Variants in SRP68 observed in about 807,000 individuals in gnomAD.
SRP68 encodes signal recognition particle 68.
A neutral mutation model predicts 82.2 loss-of-function variants in SRP68; 15 were observed. The ratio of observed to expected loss-of-function variants is 0.18; its 90% CI spans 0.12 to 0.28. SRP68 has a LOEUF of 0.28. Among genes scored for constraint, SRP68 ranks in the 10% least tolerant of loss-of-function variants. SRP68 has a pLI of 1.00. For synonymous variants in SRP68, 261 were observed against 292.6 expected, an observed-to-expected ratio of 0.89 and a Z score of 1.10; for missense variants, 595 against 780.5, an observed-to-expected ratio of 0.76 and a Z score of 2.83.
chr17:76,056,431 A>G (rs2066714230), intron 8 of SRP68, among the ~76,000 whole-genome samples: 1 of 152,210 alleles, frequency 6.6e-6, no homozygotes, highest in Non-Finnish European at 1.5e-5. Context: ...GAATGCTCTC[A>G]AAAAAAGTTC....
chr17:76,053,656 C>A (rs1292091628), intron 8 of SRP68: 9 of 985,336 alleles, frequency 9.1e-6, no homozygotes, highest in Non-Finnish European at 1.1e-5. Context: ...AGGAAAAAGT[C>A]GATTTGAAGG....
At chr17:76,046,838 G>A (rs1198728006) in intron 10 of SRP68, among the ~76,000 whole-genome samples, 11 of 152,134 alleles carry the variant, frequency 7.2e-5, no homozygotes. Flanking sequence ...CTACTTGGGA[G>A]GCTGAGGTAG....
chr17:76,067,077 C>T, intron 3 of SRP68, 140 bp downstream of exon 3: 1 of 656,558 alleles, frequency 1.5e-6, no homozygotes, highest in East Asian at 2.9e-5. Flanking sequence ...CCTCAGTTTC[C>T]TTGCCTTAGA....
chr17:76,066,764 G>A (rs535295640), intron 3 of SRP68, among the ~76,000 whole-genome samples: 1 of 149,632 alleles, frequency 6.7e-6, no homozygotes, highest in South Asian at 2.1e-4. Flanking sequence ...TGTCACTCTT[G>A]TTGCCCAGGC....
intron 8 of SRP68, among the ~76,000 whole-genome samples, chr17:76,054,875 T>C (rs2082401726): frequency 6.6e-6 from 1 of 151,676 alleles, no homozygotes; most frequent in Admixed American, 6.6e-5. Context: ...CTCATGAATA[T>C]AAAAAACATT....
intron 7 of SRP68, 59 bp from the exon 8 acceptor site, chr17:76,057,602 A>C (rs1033372168): frequency 2.6e-6 from 4 of 1,566,748 alleles, no homozygotes; most frequent in Non-Finnish European, 3.5e-6. Context: ...ATGGAGGTGA[A>C]AATAAGTGGA....
chr17:76,065,361 C>T (rs2066798809), intron 3 of SRP68, among the ~76,000 whole-genome samples: 3 of 144,596 alleles, frequency 2.1e-5, no homozygotes, highest in South Asian at 2.1e-4. Context: ...GAGGGTGAGA[C>T]AGGAGTTGTT....
In SRP68 at chr17:76,072,357, C is replaced by A; in HGVS notation, c.135G>T (p.Ser45=). 2.5e-6 allele frequency: 4 copies of A among 1,612,864 alleles called. No homozygotes were observed. Among genetic ancestry groups the A allele is most frequent in the Non-Finnish European group, 2.5e-6 (3 of 1,179,768 alleles). ...GEENKENERP[S]AGSKANKEFG... ...ATTCTTTGTTTGCCTTCGATCCGGCCGAAGGGCGTTCGTTTTCTTTATTTT... is the reference window on the plus strand; with the variant it reads ...ATTCTTTGTTTGCCTTCGATCCGGCAGAAGGGCGTTCGTTTTCTTTATTTT... The change falls in exon 1 of 16, where the codon TCG becomes TCT. Residue 45 remains serine, a synonymous_variant. Transcript: ENST00000307877. The surrounding 1 kb of genome is among the most constrained non-coding windows in gnomAD (Gnocchi z 4.5).
At chr17:76,066,128 A>G (rs2066804277) in intron 3 of SRP68, among the ~76,000 whole-genome samples, 1 of 152,064 alleles carries the variant, frequency 6.6e-6, no homozygotes, top group South Asian at 2.1e-4. Context: ...TGGTGTATTC[A>G]GCACTGAAAT....
In SRP68 at chr17:76,046,027, T is replaced by A; in HGVS notation, c.1299+11A>T. ...CCACAGGCCCTTGCCTTCCCGGTCC[T>A]CAAGGGTCACCTGTAAGATGATGTC... On this transcript the variant is annotated intron_variant, in intron 11 of 15. Transcript: ENST00000307877. 2 of 1,613,656 alleles carry A rather than the reference T, an allele frequency of 1.2e-6. No individual in the cohort carries two copies. Among genetic ancestry groups the A allele is most frequent in the Non-Finnish European group, 1.7e-6 (2 of 1,179,804 alleles).
Position 76,057,505 on chromosome 17 carries a change from G to A in SRP68, c.876C>T (p.Thr292=). The change falls in exon 8 of 16, where the codon ACC becomes ACT. Residue 292 remains threonine, a synonymous_variant. Transcript: ENST00000307877. ...ITQTRAKQAA[T]MSEVEWRGRT... The stretch of plus-strand genomic sequence containing the variant: ...TCCCTCTCCACTCCACTTCACTCAT[G>A]GTAGCTGCCTGTTTGGCTCGAGTCT... The A allele has an allele frequency of 6.2e-7, 1 of 1,614,104 alleles. No individual in the cohort carries two copies.
chr17:76,070,467 T>C (rs1164087134), intron 1 of SRP68, 23 bp from the exon 2 acceptor site: 3 of 1,601,392 alleles, frequency 1.9e-6, no homozygotes, highest in Admixed American at 3.3e-5. Context: ...TTAAGGAAAA[T>C]CTTACCATAG....
intron 13 of SRP68, among the ~76,000 whole-genome samples, chr17:76,042,136 G>A (rs1027856377): frequency 4.6e-5 from 7 of 151,904 alleles, no homozygotes; most frequent in South Asian, 2.1e-4. Flanking sequence ...TGCCCGCCTC[G>A]GCCTCCCACA....
intron 8 of SRP68, among the ~76,000 whole-genome samples, chr17:76,054,423 T>C (rs2144504305): frequency 6.6e-6 from 1 of 152,298 alleles, no homozygotes; most frequent in African/African-American, 2.4e-5. Flanking sequence ...CATGGAAATC[T>C]GGTAAAGAAG....
chr17:76,050,328 C>G lies in SRP68; in HGVS notation c.1077+100G>C, dbSNP rs951683349. The G allele has an allele frequency of 1.4e-5, 11 of 805,112 alleles. No individual in the cohort carries two copies. The African/African-American group carries it at 1.7e-4, about 13-fold the overall frequency. The allele number at this position is 805,112 out of a possible 1,614,324, so 49.9% of individuals were successfully genotyped here. A position where few individuals can be genotyped will look rare whatever the true frequency, so the allele number is the denominator to read the frequency against. ...AAACAAAAACGAAACAGTGGCCAAG[C>G]GAGCAGTGCACTCAGAGCACTGGGG... On this transcript the variant is annotated intron_variant, in intron 9 of 15. Coordinates refer to ENST00000307877, the MANE Select transcript of SRP68 (RefSeq NM_014230.4).
chr17:76,053,655 T>C (rs1479015340), intron 8 of SRP68: 3 of 985,206 alleles, frequency 3.0e-6, no homozygotes, highest in Non-Finnish European at 3.6e-6. Flanking sequence ...AAGGAAAAAG[T>C]CGATTTGAAG....
chr17:76,040,714 A>G (rs1421210632), intron 14 of SRP68, 189 bp downstream of exon 14: 1 of 657,192 alleles, frequency 1.5e-6, no homozygotes, highest in African/African-American at 1.8e-5. Context: ...GAGAAGGGCC[A>G]GTGTAACAGT....
intron 11 of SRP68, 41 bp downstream of exon 11, chr17:76,045,997 G>A: frequency 6.2e-7 from 1 of 1,610,488 alleles, no homozygotes; most frequent in Non-Finnish European, 8.5e-7. Context: ...ACAGGCAAAG[G>A]AAAACCACAG....
intron 6 of SRP68, 82 bp from the exon 7 acceptor site, chr17:76,060,472 C>T (rs2066745202): frequency 1.1e-6 from 1 of 918,800 alleles, no homozygotes; most frequent in East Asian, 2.4e-5. Flanking sequence ...ACTTAAAGAG[C>T]TCTTCCCCCT....
Sources: allele counts gnomAD v4.1 joint callset (sites outside exome capture counted in the v4.1 genomes callset), GRCh38; gene constraint gnomAD v4.1.1; non-coding constraint Gnocchi (gnomAD v3.1); transcripts MANE v1.5; gene names NCBI Gene and HGNC (gene_info 2026-07-23, HGNC 2026-07-21).